The following IQGAP1 variants were observed in gnomAD, a reference collection of about 807,000 sequenced individuals.
IQGAP1 encodes ras GTPase-activating-like protein IQGAP1.
A neutral mutation model predicts 215.6 loss-of-function variants in IQGAP1; 66 were observed. The ratio of observed to expected loss-of-function variants is 0.31; its 90% CI spans 0.25 to 0.38. IQGAP1 has a LOEUF of 0.38. Ranked by LOEUF, IQGAP1 falls within the 10% of genes least tolerant of loss-of-function variation. The pLI, the probability that IQGAP1 is intolerant of heterozygous loss-of-function variation, is 1.00. For missense variants in IQGAP1, 1,712 were observed against 1,997.1 expected, an observed-to-expected ratio of 0.86 and a Z score of 2.72; for synonymous variants, 772 against 728.7, an observed-to-expected ratio of 1.06 and a Z score of -0.96.
intron 2 of IQGAP1, chr15:90,393,379 A>G (rs747759810): frequency 3.3e-5 from 5 of 152,214 alleles, no homozygotes; most frequent in Non-Finnish European, 5.9e-5. Flanking sequence ...ATATCTCTAG[A>G]TTACTTATCA....
At chr15:90,462,597 CT>C (rs1412929982) in intron 15 of IQGAP1, among the ~76,000 whole-genome samples, 1 of 152,146 alleles carries the variant, frequency 6.6e-6, no homozygotes, top group Non-Finnish European at 1.5e-5. Flanking sequence ...TAAGTAAAGT[CT>C]TTTTAAAAAG....
chr15:90,487,889 A>G (rs28685205), intron 33 of IQGAP1, among the ~76,000 whole-genome samples: 32,836 of 152,008 alleles, frequency 0.22, 4,723 homozygotes, highest in African/African-American at 0.41. Flanking sequence ...CCCCCGGCCA[A>G]TACCAAAATC....
At chr15:90,433,189 C>T (rs1965326643) in intron 4 of IQGAP1, among the ~76,000 whole-genome samples, 1 of 152,162 alleles carries the variant, frequency 6.6e-6, no homozygotes, top group South Asian at 2.1e-4. Context: ...TGTGTAGCTT[C>T]CCATTTCTCC....
At chr15:90,430,272 A>T (rs1034363215) in intron 4 of IQGAP1, among the ~76,000 whole-genome samples, 7 of 152,154 alleles carry the variant, frequency 4.6e-5, no homozygotes, top group Non-Finnish European at 1.0e-4. Context: ...GCCACACTGT[A>T]TGGTCACTCT....
At chr15:90,478,319 C>G (rs565681001) in intron 26 of IQGAP1, among the ~76,000 whole-genome samples, 1 of 152,260 alleles carries the variant, frequency 6.6e-6, no homozygotes, top group South Asian at 2.1e-4. Context: ...GAAAACTGTG[C>G]TTTCTAAGTT....
At chr15:90,406,235 A>G (rs558710795) in intron 2 of IQGAP1, among the ~76,000 whole-genome samples, 3 of 152,258 alleles carry the variant, frequency 2.0e-5, no homozygotes, top group Admixed American at 6.5e-5. Context: ...TTGGGAGCCA[A>G]CATGGGCTCC....
At chr15:90,393,745 T>C (rs1964671620) in intron 2 of IQGAP1, 1 of 152,216 alleles carries the variant, frequency 6.6e-6, no homozygotes, top group Non-Finnish European at 1.5e-5. Flanking sequence ...GTCAGGTGTT[T>C]TTTTCCAGTA....
intron 10 of IQGAP1, 55 bp from the exon 11 acceptor site, chr15:90,449,504 G>C: frequency 7.1e-7 from 1 of 1,406,602 alleles, no homozygotes; most frequent in Non-Finnish European, 9.8e-7. Context: ...AGAACCTTAA[G>C]GCCTGGAGTC....
chr15:90,430,987 A>G (rs1164928758), intron 4 of IQGAP1, among the ~76,000 whole-genome samples: 2 of 148,044 alleles, frequency 1.4e-5, no homozygotes, highest in Non-Finnish European at 3.0e-5. Flanking sequence ...ATTTTACAAT[A>G]TTATATAATA....
At chr15:90,440,759 A>G in intron 7 of IQGAP1, 144 bp downstream of exon 7, 2 of 596,358 alleles carry the variant, frequency 3.4e-6, no homozygotes, top group South Asian at 4.4e-5. Flanking sequence ...ATAGTCTTCC[A>G]TGCTGTTATT....
Position 90,411,653 on chromosome 15 carries a change from CTGTAGAGCTGCTCACA to C in IQGAP1, c.156-14456_156-14441del, listed in dbSNP as rs1964967871. On this transcript the variant is annotated intron_variant, in intron 2 of 37. Transcript: ENST00000268182. Reference sequence around the variant, plus strand: ...TGCTCACAGGTTAGTAATGATTAGGCTGTAGAGCTGCTCACAGGTTAGTAATGATTAAGCTGTAGCT... The same window carrying C: ...TGCTCACAGGTTAGTAATGATTAGGCGGTTAGTAATGATTAAGCTGTAGCT... Among the ~76,000 whole-genome samples, 23 of 152,174 alleles carry C rather than the reference CTGTAGAGCTGCTCACA, an allele frequency of 1.5e-4. 1 individual carries two copies. The highest frequency in any genetic ancestry group is 1.5e-3 in the Admixed American group (23 of 15,282).
At chr15:90,487,210 C>A in intron 32 of IQGAP1, 121 bp downstream of exon 32, 1 of 939,566 alleles carries the variant, frequency 1.1e-6, no homozygotes, top group Non-Finnish European at 1.7e-6. Context: ...TTGTCATAAT[C>A]CCAGTCACCA....
chr15:90,393,345 T>C (rs1347494766), intron 2 of IQGAP1: 2 of 152,220 alleles, frequency 1.3e-5, no homozygotes, highest in East Asian at 1.9e-4. Flanking sequence ...AGATTACTTA[T>C]CATACCTCTA....
intron 2 of IQGAP1, among the ~76,000 whole-genome samples, chr15:90,417,590 A>G (rs1272231128): frequency 6.6e-6 from 1 of 152,152 alleles, no homozygotes; most frequent in Non-Finnish European, 1.5e-5. Flanking sequence ...TACCAGTACC[A>G]TACCATGCTG....
At chr15:90,389,778 G>C (rs1964608168) in intron 1 of IQGAP1, among the ~76,000 whole-genome samples, 2 of 150,000 alleles carry the variant, frequency 1.3e-5, no homozygotes, top group South Asian at 4.2e-4. Context: ...AGCACAGTGA[G>C]ACTCCATCTC....
At chr15:90,429,559 A>C (rs1388664646) in intron 3 of IQGAP1, 30 bp from the exon 4 acceptor site, 1 of 1,512,436 alleles carries the variant, frequency 6.6e-7, no homozygotes, top group Non-Finnish European at 9.0e-7. Context: ...AATACAGCCA[A>C]TAATACCTAA....
intron 2 of IQGAP1, among the ~76,000 whole-genome samples, chr15:90,395,442 T>A (rs940356539): frequency 1.9e-4 from 29 of 152,012 alleles, no homozygotes; most frequent in African/African-American, 6.8e-4. Context: ...TGGCTCAGCC[T>A]CCCGAGTAGC....
intron 15 of IQGAP1, among the ~76,000 whole-genome samples, chr15:90,457,789 A>G (rs890527607): frequency 4.6e-5 from 7 of 152,120 alleles, no homozygotes; most frequent in African/African-American, 1.4e-4. Flanking sequence ...AAAAACATAT[A>G]TGTGCATTTC....
intron 33 of IQGAP1, among the ~76,000 whole-genome samples, chr15:90,488,791 A>G (rs895110047): frequency 6.6e-6 from 1 of 152,170 alleles, no homozygotes; most frequent in Non-Finnish European, 1.5e-5. Flanking sequence ...AGCGATGTGA[A>G]CAAAGGTACA....
Sources: allele counts gnomAD v4.1 joint callset (sites outside exome capture counted in the v4.1 genomes callset), GRCh38; gene constraint gnomAD v4.1.1; transcripts MANE v1.5; gene names NCBI Gene and HGNC (gene_info 2026-07-23, HGNC 2026-07-21).